NKAIN2: variants seen among roughly 807,000 people sequenced by gnomAD.
NKAIN2 encodes sodium/potassium transporting ATPase interacting 2, also known as sodium/potassium-transporting ATPase subunit beta-1-interacting protein 2.
NKAIN2 carries 14 observed loss-of-function variants against 32.6 expected under a neutral mutation model. That is an observed-to-expected ratio of 0.43 (90% CI 0.28 to 0.67). The LOEUF is 0.67. NKAIN2 is among the 30% of genes least tolerant of loss of function. NKAIN2 has a pLI of 0.17. For synonymous variants in NKAIN2, 80 were observed against 87.2 expected (o/e 0.92, Z 0.46); for missense variants, 198 against 258.3 (o/e 0.77, Z 1.60).
rs142216960 is a variant in NKAIN2 at position 123,838,753 on chromosome 6, G to A, written c.54+34499G>A. Among the ~76,000 whole-genome samples the A allele has an allele frequency of 2.7e-3, 416 of 152,142 alleles. 1 individual carries two copies. The highest frequency in any genetic ancestry group is 9.4e-3 in the African/African-American group (389 of 41,522). ...TACTCAAGGGGGTCAGGGGACCAGCGCATCTTTTTAAATGAGTAATTGCCA... is the reference window on the plus strand; with the variant it reads ...TACTCAAGGGGGTCAGGGGACCAGCACATCTTTTTAAATGAGTAATTGCCA... On this transcript the variant is annotated intron_variant, in intron 1 of 6. Transcript: ENST00000368417.
chr6:124,141,708 C>A (rs924242681), intron 1 of NKAIN2, among the ~76,000 whole-genome samples: 1 of 152,028 alleles, frequency 6.6e-6, no homozygotes, highest in African/African-American at 2.4e-5. Context: ...CTGGCTTCTG[C>A]TGAGGTGTGA....
intron 3 of NKAIN2, among the ~76,000 whole-genome samples, chr6:124,412,702 G>C (rs1774259762): frequency 6.6e-6 from 1 of 152,198 alleles, no homozygotes; most frequent in South Asian, 2.1e-4. Flanking sequence ...CTTCAAAGCT[G>C]TCAGACAGGG....
chr6:124,303,215 T>C (rs1223156881), intron 2 of NKAIN2, among the ~76,000 whole-genome samples: 1 of 152,230 alleles, frequency 6.6e-6, no homozygotes, highest in Admixed American at 6.5e-5. Context: ...TAATTTTAAA[T>C]AGATTTTAAA....
intron 1 of NKAIN2, among the ~76,000 whole-genome samples, chr6:124,127,696 G>C (rs1261735130): frequency 2.0e-5 from 3 of 152,134 alleles, no homozygotes; most frequent in Non-Finnish European, 4.4e-5. Flanking sequence ...GGACAGGCCT[G>C]GTCAGCAAAG....
intron 3 of NKAIN2, among the ~76,000 whole-genome samples, chr6:124,442,881 A>G (rs1775746905): frequency 1.3e-5 from 2 of 152,046 alleles, no homozygotes; most frequent in Non-Finnish European, 2.9e-5. Context: ...TGGCATCATA[A>G]TATTTTCTGG....
At chr6:123,811,894 C>T (rs1397079076) in intron 1 of NKAIN2, among the ~76,000 whole-genome samples, 8 of 151,692 alleles carry the variant, frequency 5.3e-5, no homozygotes, top group Non-Finnish European at 1.0e-4. Context: ...ATATGCTATG[C>T]GCCTGATATA....
intron 1 of NKAIN2, among the ~76,000 whole-genome samples, chr6:123,912,716 C>T (rs138876480): frequency 1.3e-5 from 2 of 152,282 alleles, no homozygotes; most frequent in Admixed American, 6.5e-5. Context: ...TTCCTGAGGC[C>T]CTCACCAGAA....
intron 1 of NKAIN2, among the ~76,000 whole-genome samples, chr6:124,068,050 A>G (rs1169655265): frequency 1.3e-5 from 2 of 152,184 alleles, no homozygotes; most frequent in Non-Finnish European, 2.9e-5. Context: ...CTGTTTATTT[A>G]TGGAAGAACT....
At chr6:124,472,834 A>G (rs939745599) in intron 3 of NKAIN2, among the ~76,000 whole-genome samples, 1 of 152,074 alleles carries the variant, frequency 6.6e-6, no homozygotes, top group African/African-American at 2.4e-5. Context: ...CTAAATATAT[A>G]TACACATACA....
intron 1 of NKAIN2, among the ~76,000 whole-genome samples, chr6:123,904,428 T>C (rs1005737818): frequency 6.6e-6 from 1 of 152,174 alleles, no homozygotes; most frequent in Non-Finnish European, 1.5e-5. Flanking sequence ...TCTATCATCT[T>C]CCTGCTTTGT....
chr6:124,777,657 A>G (rs535640440), intron 4 of NKAIN2, among the ~76,000 whole-genome samples: 2 of 152,276 alleles, frequency 1.3e-5, no homozygotes, highest in African/African-American at 4.8e-5. Context: ...GTTGAAATTG[A>G]TATATAACTT....
intron 1 of NKAIN2, among the ~76,000 whole-genome samples, chr6:124,213,864 A>G (rs1030030191): frequency 1.3e-5 from 2 of 152,166 alleles, no homozygotes; most frequent in African/African-American, 4.8e-5. Context: ...TGTTTAAACA[A>G]ACAAATAGAT....
chr6:124,687,336 C>G (rs1341901950), intron 4 of NKAIN2, among the ~76,000 whole-genome samples: 2 of 133,914 alleles, frequency 1.5e-5, no homozygotes, highest in Non-Finnish European at 3.2e-5. Context: ...ATATTCCATA[C>G]ATATACATAT....
At chr6:124,378,942 A>T (rs951672010) in intron 3 of NKAIN2, among the ~76,000 whole-genome samples, 1 of 135,502 alleles carries the variant, frequency 7.4e-6, no homozygotes, top group Non-Finnish European at 1.7e-5. Flanking sequence ...TTTTTTTTTT[A>T]ATAGCTGGGC....
chr6:124,073,473 TTTGCTGAGCTATGACTGTTTCTTGG>T (rs1483225505), intron 1 of NKAIN2, among the ~76,000 whole-genome samples: 31 of 152,274 alleles, frequency 2.0e-4, no homozygotes, highest in African/African-American at 7.2e-4. Flanking sequence ...CTAGGAACAA[TTTGCTGAGCTATGACTGTTTCTTGG>T]AGTGACTCTA....
chr6:124,228,884 A>T (rs1261207149), intron 1 of NKAIN2, among the ~76,000 whole-genome samples: 1 of 152,212 alleles, frequency 6.6e-6, no homozygotes, highest in East Asian at 1.9e-4. Context: ...AATTTAAAAC[A>T]TAGTGCCTAT....
intron 3 of NKAIN2, among the ~76,000 whole-genome samples, chr6:124,497,824 TAAAAAAAAAA>T (rs33913104): frequency 2.8e-5 from 3 of 105,710 alleles, no homozygotes; most frequent in Admixed American, 9.9e-5. Context: ...GAGTAAGGGG[TAAAAAAAAAA>T]AAAAAAAAAA....
At chr6:124,584,841 C>A (rs1583476119) in intron 3 of NKAIN2, among the ~76,000 whole-genome samples, 1 of 145,360 alleles carries the variant, frequency 6.9e-6, no homozygotes, top group African/African-American at 2.5e-5. Context: ...GGTGAACCCT[C>A]ATACTCTATT....
rs1049491527 is a variant in NKAIN2, at chr6:124,247,843, G to A, written c.55-35162G>A. Among the ~76,000 whole-genome samples, 8 of 152,068 alleles carry A rather than the reference G, an allele frequency of 5.3e-5. No individual in the cohort carries two copies. In the East Asian group the frequency reaches 1.2e-3, roughly 22 times the overall value. The stretch of plus-strand genomic sequence containing the variant: ...CTGAATTTTTTCACATCAGTTTTCC[G>A]CTGCTATCATTCAGATGTCCTTAAA... On this transcript the variant is annotated intron_variant, in intron 1 of 6. Coordinates refer to ENST00000368417, the MANE Select transcript of NKAIN2 (RefSeq NM_001040214.3).
Sources: gnomAD v4.1 joint callset for allele counts (sites outside exome capture counted in the v4.1 genomes callset) on GRCh38, gnomAD v4.1.1 for gene constraint, MANE v1.5 for transcripts, NCBI Gene and HGNC (gene_info 2026-07-23, HGNC 2026-07-21) for gene names.